Variants in SNAPC1 observed in about 807,000 individuals in gnomAD.
SNAPC1 encodes the protein small nuclear RNA activating complex polypeptide 1.
Under a neutral mutation model 50.1 loss-of-function variants are expected in SNAPC1, and 42 were observed. The ratio of observed to expected loss-of-function variants is 0.84; its 90% CI spans 0.65 to 1.08. The LOEUF is 1.08. SNAPC1 is among the 50% of genes least tolerant of loss of function. SNAPC1 has a pLI of 0.00. For synonymous variants in SNAPC1, 164 were observed against 144.2 expected (o/e 1.14, Z -0.98); for missense variants, 477 against 427.3 (o/e 1.12, Z -1.02).
At chr14:61,764,390 A>G (rs2044931679) in intron 1 of SNAPC1, among the ~76,000 whole-genome samples, 1 of 152,226 alleles carries the variant, frequency 6.6e-6, no homozygotes, top group African/African-American at 2.4e-5. Context: ...TTAAATTGCA[A>G]GGAATGGAGG....
chr14:61,791,646 G>A (rs959436568), intron 8 of SNAPC1, among the ~76,000 whole-genome samples: 2 of 152,146 alleles, frequency 1.3e-5, no homozygotes, highest in Non-Finnish European at 2.9e-5. Context: ...TCAGGAGTTT[G>A]AAACCAGCCT....
At chr14:61,775,993 C>T in intron 4 of SNAPC1, 102 bp from the exon 5 acceptor site, 1 of 783,610 alleles carries the variant, frequency 1.3e-6, no homozygotes, top group Non-Finnish European at 2.0e-6. Flanking sequence ...TATTACCTAT[C>T]AACTGGAAGT....
intron 1 of SNAPC1, among the ~76,000 whole-genome samples, chr14:61,765,556 A>G (rs2044940779): frequency 6.6e-6 from 1 of 152,204 alleles, no homozygotes; most frequent in Non-Finnish European, 1.5e-5. Context: ...TTGGTGATAC[A>G]CAAATGCTTG....
intron 5 of SNAPC1, among the ~76,000 whole-genome samples, chr14:61,777,101 A>T (rs1379893500): frequency 6.6e-6 from 1 of 152,222 alleles, no homozygotes; most frequent in Non-Finnish European, 1.5e-5. Flanking sequence ...CACAAATGCC[A>T]CACAGATACT....
intron 8 of SNAPC1, among the ~76,000 whole-genome samples, chr14:61,791,490 C>T (rs1410717033): frequency 3.3e-5 from 5 of 152,062 alleles, no homozygotes; most frequent in Non-Finnish European, 7.4e-5. Flanking sequence ...ATTTAATTTT[C>T]TCCTGACAAG....
At position 61,783,528 on chromosome 14, in the gene SNAPC1, GT is replaced by G. The variant is rs577941212; in HGVS notation, c.976+1153del. Among the ~76,000 whole-genome samples, 965 of 110,102 alleles carry G rather than the reference GT, an allele frequency of 8.8e-3. 2 individuals carry two copies. Among genetic ancestry groups the G allele is most frequent in the African/African-American group, 0.015 (430 of 28,042 alleles). The allele number at this position is 110,102 out of a possible 152,430, so 72.2% of individuals were successfully genotyped here. A position where few individuals can be genotyped will look rare whatever the true frequency, so the allele number is the denominator to read the frequency against. On this transcript the variant is annotated intron_variant, in intron 8 of 9. Coordinates refer to ENST00000216294, the MANE Select transcript of SNAPC1 (RefSeq NM_003082.4). ...GTATATATTTCAATAGTTTGGTTTG[GT>G]TTTTTTTTTTTTTTTTTTTTTCTTG...
chr14:61,773,998 C>T (rs1009760361), intron 4 of SNAPC1, among the ~76,000 whole-genome samples: 2 of 152,042 alleles, frequency 1.3e-5, no homozygotes, highest in Non-Finnish European at 2.9e-5. Context: ...CATGAGCCAT[C>T]GTGCACGGCC....
At position 61,793,477 on chromosome 14, in the gene SNAPC1, A is replaced by G. The variant is rs538525401; in HGVS notation, c.1072+575A>G. ...AGGCTGGTCTCAAACTCCTGGGCTC[A>G]AGTGATCCACTTGCCTCAGCCTTCC... On this transcript the variant is annotated intron_variant, in intron 9 of 9. Coordinates refer to ENST00000216294, the MANE Select transcript of SNAPC1 (RefSeq NM_003082.4). Among the ~76,000 whole-genome samples, 111 of 152,138 alleles carry G rather than the reference A, an allele frequency of 7.3e-4. 4 individuals are homozygous for G. The South Asian group carries it at 0.022, about 31-fold the overall frequency.
At position 61,767,039 on chromosome 14, in the gene SNAPC1, A is replaced by G; in HGVS notation, c.288+4A>G. 2 of 1,509,226 alleles carry G rather than the reference A, an allele frequency of 1.3e-6. No individual in the cohort carries two copies. The highest frequency in any genetic ancestry group is 1.8e-6 in the Non-Finnish European group (2 of 1,123,668). The allele number at this position is 1,509,226 out of a possible 1,614,324, so 93.5% of individuals were successfully genotyped here. A position where few individuals can be genotyped will look rare whatever the true frequency, so the allele number is the denominator to read the frequency against. ...ACTGTGTCAACCAAAACAAAAGGTA[A>G]TACTTAGTGAGTTATTTTTCCTTAG... On this transcript the variant is annotated splice_donor_region_variant and intron_variant, in intron 2 of 9. Transcript: ENST00000216294.
At position 61,776,083 on chromosome 14, in the gene SNAPC1, T is replaced by G. The variant is rs1164667423; in HGVS notation, c.535-12T>G. 6.4e-7 allele frequency: 1 copy of G among 1,568,660 alleles called. No individual in the cohort carries two copies. Among genetic ancestry groups the G allele is most frequent in the East Asian group, 2.3e-5 (1 of 43,722 alleles). ...AAGTGAAGAAATAAAGGACTCATCTTTTTGCTTTTAGGAAATGCTGAATGT... is the reference window on the plus strand; with the variant it reads ...AAGTGAAGAAATAAAGGACTCATCTGTTTGCTTTTAGGAAATGCTGAATGT... On this transcript the variant is annotated splice_polypyrimidine_tract_variant and intron_variant, in intron 4 of 9. Transcript: ENST00000216294.
intron 5 of SNAPC1, 66 bp from the exon 6 acceptor site, chr14:61,778,006 T>G (rs1309892149): frequency 7.0e-6 from 5 of 709,948 alleles, no homozygotes; most frequent in East Asian, 6.0e-5. Context: ...TAAAATTGAT[T>G]TGCAGTTAAT....
intron 1 of SNAPC1, among the ~76,000 whole-genome samples, chr14:61,765,253 G>C (rs1282495894): frequency 5.3e-5 from 8 of 152,116 alleles, no homozygotes; most frequent in Non-Finnish European, 1.2e-4. Flanking sequence ...TATTCATTAT[G>C]CTGTTTATAT....
Position 61,795,058 on chromosome 14 carries a change from G to A in SNAPC1, c.*75G>A, listed in dbSNP as rs1594655021. On this transcript the variant is annotated 3_prime_UTR_variant, in exon 10 of 10. Transcript: ENST00000216294. ...AGATTGATATTTTGTGTATTGAACAGGAAGACTGCCAGTATTAAAAAAATC... is the reference window on the plus strand; with the variant it reads ...AGATTGATATTTTGTGTATTGAACAAGAAGACTGCCAGTATTAAAAAAATC... 1 of 929,394 alleles carries A rather than the reference G, an allele frequency of 1.1e-6. No individual in the cohort carries two copies. Among genetic ancestry groups the A allele is most frequent in the Non-Finnish European group, 1.6e-6 (1 of 611,196 alleles). The allele number at this position is 929,394 out of a possible 1,614,324, so 57.6% of individuals were successfully genotyped here. A position where few individuals can be genotyped will look rare whatever the true frequency, so the allele number is the denominator to read the frequency against.
chr14:61,789,854 A>G (rs546036706), intron 8 of SNAPC1, among the ~76,000 whole-genome samples: 2 of 152,314 alleles, frequency 1.3e-5, no homozygotes, highest in Non-Finnish European at 2.9e-5. Context: ...TCCTTGAAGA[A>G]AATCAGTCTG....
chr14:61,776,150 A>T lies in SNAPC1; in HGVS notation c.590A>T (p.Asp197Val). The change falls in exon 5 of 10, where the codon GAT (aspartate) becomes GTT (valine). Residue 197 changes from aspartate (D) to valine (V), a missense_variant. By Grantham distance (152) the Asp-to-Val change is radical. Transcript: ENST00000216294. The stretch of plus-strand genomic sequence containing the variant: ...AACATGAAACATGTAATTTCAGTTG[A>T]TAAGTCCAAGCCAGATAAAGCCCTC... ...YQNMKHVISV[D>V]KSKPDKALSL... The T allele has an allele frequency of 6.2e-7, 1 of 1,609,986 alleles. No homozygotes were observed. The highest frequency in any genetic ancestry group is 8.5e-7 in the Non-Finnish European group (1 of 1,179,030).
chr14:61,782,987 T>C (rs2140182510), intron 8 of SNAPC1, among the ~76,000 whole-genome samples: 1 of 151,258 alleles, frequency 6.6e-6, no homozygotes, highest in African/African-American at 2.4e-5. Flanking sequence ...AGCTAGATAG[T>C]TATGAAATCA....
At chr14:61,787,192 A>G (rs960891400) in intron 8 of SNAPC1, among the ~76,000 whole-genome samples, 2 of 152,232 alleles carry the variant, frequency 1.3e-5, no homozygotes, top group East Asian at 1.9e-4. Context: ...ATGGAAATCT[A>G]TATTTTCGTT....
intron 7 of SNAPC1, 83 bp from the exon 8 acceptor site, chr14:61,782,164 G>C (rs2045079809): frequency 9.5e-7 from 1 of 1,055,590 alleles, no homozygotes; most frequent in Admixed American, 2.6e-5. Flanking sequence ...CCTCATCTTT[G>C]ATTGTACATT....
chr14:61,783,308 G>T (rs1017963669), intron 8 of SNAPC1, among the ~76,000 whole-genome samples: 8 of 151,994 alleles, frequency 5.3e-5, no homozygotes, highest in Middle Eastern at 3.4e-3. Flanking sequence ...TGAGATTACA[G>T]GTATGAGCCA....
Sources: gnomAD v4.1 joint callset for allele counts (sites outside exome capture counted in the v4.1 genomes callset) on GRCh38, gnomAD v4.1.1 for gene constraint, MANE v1.5 for transcripts, NCBI Gene and HGNC (gene_info 2026-07-23, HGNC 2026-07-21) for gene names.